The following ANGEL2 variants were observed in gnomAD, a reference collection of about 807,000 sequenced individuals.
The protein encoded by ANGEL2 is angel homolog 2.
ANGEL2 carries 41 observed loss-of-function variants against 66.0 expected under a neutral mutation model. The observed-to-expected ratio is 0.62, with a 90% CI of 0.48 to 0.81. The LOEUF is 0.81. Among genes scored for constraint, ANGEL2 ranks in the 30% least tolerant of loss-of-function variants. ANGEL2 has a pLI of 0.00. For synonymous variants in ANGEL2, 208 were observed against 226.5 expected (o/e 0.92, Z 0.73); for missense variants, 561 against 641.6 (o/e 0.87, Z 1.36).
intron 1 of ANGEL2, chr1:213,015,139 A>C (rs988276887): frequency 1.5e-4 from 148 of 993,840 alleles, no homozygotes; most frequent in Non-Finnish European, 1.2e-4. Context: ...AAAGTTTGAA[A>C]GACACTAACA....
intron 4 of ANGEL2, among the ~76,000 whole-genome samples, 176 bp from the exon 5 acceptor site, chr1:213,005,630 C>T (rs2076304515): frequency 6.6e-6 from 1 of 152,226 alleles, no homozygotes; most frequent in Admixed American, 6.5e-5. Flanking sequence ...TAACAGGCCT[C>T]TTTATGCGCA....
At chr1:213,007,039 A>G in intron 4 of ANGEL2, 90 bp downstream of exon 4, 1 of 1,236,652 alleles carries the variant, frequency 8.1e-7, no homozygotes, top group Non-Finnish European at 1.2e-6. Context: ...GGCTGTAGTG[A>G]GCCATGATTG....
rs1042791254 is a variant in ANGEL2 at position 212,997,371 on chromosome 1, TTCC to T, written c.1320-56_1320-54del. ...ATCCGAGTTTTTGTAACTTCAAGAA[TTCC>T]TCCTATCTGAATTTCTTTTTCACTT... On this transcript the variant is annotated intron_variant, in intron 7 of 8. Transcript: ENST00000366962. The T allele has an allele frequency of 8.7e-6, 13 of 1,490,870 alleles. No individual in the cohort carries two copies. In the African/African-American group the frequency reaches 1.8e-4, roughly 21 times the overall value. 92.4% of individuals were successfully genotyped at this position (1,490,870 alleles called of 1,614,324 possible).
Position 213,008,321 on chromosome 1 carries a change from T to C in ANGEL2, c.531A>G (p.Gln177=). 2 of 1,614,246 alleles carry C rather than the reference T, an allele frequency of 1.2e-6. No homozygotes were observed. Among genetic ancestry groups the C allele is most frequent in the Non-Finnish European group, 1.7e-6 (2 of 1,180,032 alleles). The change falls in exon 3 of 9, where the codon CAA becomes CAG. Residue 177 remains glutamine, a synonymous_variant. Transcript: ENST00000366962. The part of the protein sequence containing the change: ...FSVMSYNILS[Q]DLLEDNSHLY... ...GGTGAGAGTTATCTTCCAGTAAATC[T>C]TGTGAAAGTATATTATAGGACATCA...
rs1371262631 is a variant in ANGEL2 at position 213,015,622 on chromosome 1, C to T, written c.50G>A (p.Gly17Glu). ...ACCCAGCCCTACTGACCGGCCTCTT[C>T]CCACCACACAGTGGCCGTAGCCCTT... is the stretch of plus-strand genomic sequence containing the variant. Reference protein sequence around the residue: ...VRKGYGHCVVGRGRYPMFPHH... With the variant: ...VRKGYGHCVVERGRYPMFPHH... Residue 17 changes from glycine (G) to glutamate (E), a missense_variant, in exon 1 of 9, where the codon GGA becomes GAA. Coordinates refer to ENST00000366962, the MANE Select transcript of ANGEL2 (RefSeq NM_144567.5). 1 of 1,600,706 alleles carries T rather than the reference C, an allele frequency of 6.2e-7. No homozygotes were observed. Among genetic ancestry groups the T allele is most frequent in the Non-Finnish European group, 8.5e-7 (1 of 1,171,690 alleles).
rs2076160967 is a variant in ANGEL2, at chr1:213,000,917, A to G, written c.1135-5T>C. 1.2e-6 allele frequency: 2 copies of G among 1,603,414 alleles called. No homozygotes were observed. Among genetic ancestry groups the G allele is most frequent in the Admixed American group, 1.8e-5 (1 of 56,088 alleles). On this transcript the variant is annotated splice_region_variant and splice_polypyrimidine_tract_variant and intron_variant, in intron 5 of 8. Coordinates refer to ENST00000366962, the MANE Select transcript of ANGEL2 (RefSeq NM_144567.5). ...AGACTGTTCCTGGCCAGATACCTAAACAAAATTTCAACAGGTATCTTAAGT... is the reference window on the plus strand; with the variant it reads ...AGACTGTTCCTGGCCAGATACCTAAGCAAAATTTCAACAGGTATCTTAAGT...
chr1:213,002,691 G>A (rs1410338036), intron 5 of ANGEL2, among the ~76,000 whole-genome samples: 1 of 152,114 alleles, frequency 6.6e-6, no homozygotes, highest in African/African-American at 2.4e-5. Context: ...GCTGAGGCAG[G>A]AGGATTGCTC....
At chr1:213,013,507 A>G in intron 1 of ANGEL2, 89 bp from the exon 2 acceptor site, 1 of 1,205,940 alleles carries the variant, frequency 8.3e-7, no homozygotes, top group Non-Finnish European at 1.2e-6. Flanking sequence ...AGGGAAGGTA[A>G]TGTCTAATAT....
chr1:213,000,780 A>G lies in ANGEL2; in HGVS notation c.1261+6T>C, dbSNP rs1378594397. 1 of 1,603,034 alleles carries G rather than the reference A, an allele frequency of 6.2e-7. No homozygotes were observed. Among genetic ancestry groups the G allele is most frequent in the African/African-American group, 1.3e-5 (1 of 74,358 alleles). On this transcript the variant is annotated splice_donor_region_variant and intron_variant, in intron 6 of 8. Transcript: ENST00000366962. ...CAGACTGCCAAAATGTATTACAAAC[A>G]CTTACCTGTCTTTTCTACTTTTGGT...
At chr1:213,009,029 G>C (rs1325608204) in intron 2 of ANGEL2, among the ~76,000 whole-genome samples, 1 of 152,176 alleles carries the variant, frequency 6.6e-6, no homozygotes, top group South Asian at 2.1e-4. Context: ...CACTGAAGTG[G>C]AACATGCAAA....
chr1:213,007,009 A>G, intron 4 of ANGEL2, 120 bp downstream of exon 4: 3 of 864,280 alleles, frequency 3.5e-6, no homozygotes. Flanking sequence ...TGAGAGGATT[A>G]CTTGAGCCCA....
intron 7 of ANGEL2, 82 bp from the exon 8 acceptor site, chr1:212,997,400 A>C (rs1363030304): frequency 1.6e-6 from 2 of 1,264,594 alleles, no homozygotes; most frequent in East Asian, 4.7e-5. Flanking sequence ...TTTTTCACTT[A>C]ATTTCTAGAC....
chr1:213,000,203 C>T, intron 7 of ANGEL2, 123 bp downstream of exon 7: 1 of 861,446 alleles, frequency 1.2e-6, no homozygotes, highest in Admixed American at 2.2e-5. Context: ...GACTTAAGGG[C>T]CAGCACCCTT....
intron 6 of ANGEL2, 130 bp from the exon 7 acceptor site, chr1:213,000,513 A>C (rs2076148609): frequency 2.3e-6 from 2 of 870,814 alleles, no homozygotes; most frequent in Admixed American, 3.2e-5. Context: ...TTCATTCTGG[A>C]ATCTATATAT....
At chr1:212,996,392 G>A (rs913214097) in intron 8 of ANGEL2, among the ~76,000 whole-genome samples, 3 of 151,652 alleles carry the variant, frequency 2.0e-5, no homozygotes, top group Admixed American at 6.6e-5. Context: ...CTGGGAGGCC[G>A]AGGTGGACGG....
intron 2 of ANGEL2, chr1:213,011,150 T>C: frequency 2.4e-6 from 3 of 1,268,436 alleles, no homozygotes; most frequent in Non-Finnish European, 3.1e-6. Context: ...TAAGAGTGGA[T>C]AGTCTCTGGC....
Position 213,013,148 on chromosome 1 carries a change from A to G in ANGEL2, c.330T>C (p.Ser110=), listed in dbSNP as rs375183059. The G allele has an allele frequency of 1.1e-5, 17 of 1,614,094 alleles. No homozygotes were observed. Among genetic ancestry groups the G allele is most frequent in the Non-Finnish European group, 1.4e-5 (16 of 1,180,028 alleles). The change falls in exon 2 of 9, where the codon AGT becomes AGC. Residue 110 remains serine, a synonymous_variant. Coordinates refer to ENST00000366962, the MANE Select transcript of ANGEL2 (RefSeq NM_144567.5). ...LSQTSLIHLS[S]YVMNAEGDEP... The stretch of plus-strand genomic sequence containing the variant: ...CATCTCCCTCAGCGTTCATGACGTA[A>G]CTAGAGAGATGAATCAAAGATGTCT...
rs764672602 is a variant in ANGEL2, at chr1:212,992,252, A to C, written c.*2789T>G. ...AATGACTTGACGCCTCTCTTTCCCC[A>C]ATCCCTTGAACTCTCTGGATCTCAA... On this transcript the variant is annotated 3_prime_UTR_variant, in exon 9 of 9. Transcript: ENST00000366962. 5 of 152,226 alleles carry C rather than the reference A, an allele frequency of 3.3e-5. No individual in the cohort carries two copies. Among genetic ancestry groups the C allele is most frequent in the Admixed American group, 6.5e-5 (1 of 15,282 alleles). 9.4% of individuals were successfully genotyped at this position (152,226 alleles called of 1,614,324 possible). A position where few individuals can be genotyped will look rare whatever the true frequency, so the allele number is the denominator to read the frequency against.
chr1:213,003,003 C>G (rs891389830), intron 5 of ANGEL2, among the ~76,000 whole-genome samples: 1 of 152,038 alleles, frequency 6.6e-6, no homozygotes, highest in African/African-American at 2.4e-5. Flanking sequence ...CCTACTGCAG[C>G]TTCTACATCA....
Sources: allele counts gnomAD v4.1 joint callset (sites outside exome capture counted in the v4.1 genomes callset), GRCh38; gene constraint gnomAD v4.1.1; transcripts MANE v1.5; gene names NCBI Gene and HGNC (gene_info 2026-07-23, HGNC 2026-07-21).